CEP78: variants seen among roughly 807,000 people sequenced by gnomAD.
CEP78 encodes centrosomal protein of 78 kDa.
Under a neutral mutation model 81.2 loss-of-function variants are expected in CEP78, and 76 were observed. The observed-to-expected ratio is 0.94, with a 90% CI of 0.78 to 1.13. The LOEUF (loss-of-function observed/expected upper bound fraction) is 1.13. Among genes scored for constraint, CEP78 ranks in the 50% most tolerant of loss-of-function variants. CEP78 has a pLI of 0.00. For synonymous variants in CEP78, 293 were observed against 301.4 expected, an observed-to-expected ratio of 0.97 and a Z score of 0.29; for missense variants, 918 against 846.8, an observed-to-expected ratio of 1.08 and a Z score of -1.04.
intron 16 of CEP78, chr9:78,266,921 T>G: frequency 7.0e-7 from 1 of 1,426,576 alleles, no homozygotes; most frequent in East Asian, 2.5e-5. Flanking sequence ...GTAAATCCAG[T>G]CCACTAGAAC....
chr9:78,237,955 CAAAAAAA>C (rs557546978), intron 1 of CEP78, among the ~76,000 whole-genome samples: 24 of 106,082 alleles, frequency 2.3e-4, no homozygotes, highest in Admixed American at 1.2e-3. Context: ...ACTAAAAATA[CAAAAAAA>C]AAAAAAAAAA....
At position 78,248,744 on chromosome 9, in the gene CEP78, T is replaced by G; in HGVS notation, c.958-18T>G. The G allele has an allele frequency of 7.8e-7, 1 of 1,290,310 alleles. No individual in the cohort carries two copies. Among genetic ancestry groups the G allele is most frequent in the South Asian group, 1.3e-5 (1 of 75,092 alleles). 79.9% of individuals were successfully genotyped at this position (1,290,310 alleles called of 1,614,324 possible). On this transcript the variant is annotated intron_variant, in intron 7 of 16. Transcript: ENST00000643273. ...ATGATCTGTAACTGAAATATAGTGT[T>G]TATTCTGTCTCTTTTAGTACCAGTG...
rs1827780620 is a variant in CEP78 at position 78,275,388 on chromosome 9, TG to T, written c.*4538del. The T allele has an allele frequency of 6.6e-6, 1 of 152,086 alleles. No individual in the cohort carries two copies. The highest frequency in any genetic ancestry group is 1.5e-5 in the Non-Finnish European group (1 of 68,038). The allele number at this position is 152,086 out of a possible 1,614,324, so 9.4% of individuals were successfully genotyped here. ...GGGAGGCCGAGGTGGGCGGATCACC[TG>T]AGATGAGGAGTTCAAGACCAGCCTG... On this transcript the variant is annotated 3_prime_UTR_variant, in exon 17 of 17. Transcript: ENST00000643273.
chr9:78,262,233 T>G (rs891945391), intron 11 of CEP78, among the ~76,000 whole-genome samples: 1 of 151,940 alleles, frequency 6.6e-6, no homozygotes, highest in African/African-American at 2.4e-5. Flanking sequence ...AATCACAATT[T>G]GGAGGCTTTT....
At position 78,273,253 on chromosome 9, in the gene CEP78, G is replaced by T. The variant is rs1328550133; in HGVS notation, c.*2402G>T. 6.6e-6 allele frequency: 1 copy of T among 152,064 alleles called. No homozygotes were observed. The highest frequency in any genetic ancestry group is 1.5e-5 in the Non-Finnish European group (1 of 68,014). The allele number at this position is 152,064 out of a possible 1,614,324, so 9.4% of individuals were successfully genotyped here. On this transcript the variant is annotated 3_prime_UTR_variant, in exon 17 of 17. Coordinates refer to ENST00000643273, the MANE Select transcript of CEP78 (RefSeq NM_001330691.3). ...GTGTGCTATTTGCAAAATCTAAAAC[G>T]CTGTCATAGATTATAAAGAGATGAA...
chr9:78,256,026 C>T (rs868813206), intron 11 of CEP78, among the ~76,000 whole-genome samples: 15 of 152,096 alleles, frequency 9.9e-5, no homozygotes, highest in African/African-American at 2.2e-4. Context: ...CTCCATAAAA[C>T]GATATTATCA....
intron 11 of CEP78, among the ~76,000 whole-genome samples, chr9:78,256,524 A>ATTTTTTT (rs35059009): frequency 1.3e-5 from 1 of 76,690 alleles, no homozygotes; most frequent in Admixed American, 1.6e-4. Flanking sequence ...CTGCTCCCTT[A>ATTTTTTT]TTTTTTTTTT....
chr9:78,252,173 T>A, intron 9 of CEP78, 130 bp downstream of exon 9: 7 of 730,156 alleles, frequency 9.6e-6, no homozygotes, highest in Non-Finnish European at 1.5e-5. Context: ...GGCTTCTGCC[T>A]CATGAATCCT....
chr9:78,243,139 A>G (rs1826310603), intron 4 of CEP78, among the ~76,000 whole-genome samples: 1 of 152,234 alleles, frequency 6.6e-6, no homozygotes, highest in Admixed American at 6.5e-5. Context: ...CAGCAATGAT[A>G]GAATTTAGAA....
At position 78,240,176 on chromosome 9, in the gene CEP78, A is replaced by T; in HGVS notation, c.407A>T (p.Asp136Val). 1 of 1,603,304 alleles carries T rather than the reference A, an allele frequency of 6.2e-7. No individual in the cohort carries two copies. ...AATGGACTAATTCTGAGAGAGAGGG[A>T]TTTAACTATTCTAGCAAAGGTAAGC... ...ELNGLILRER[D>V]LTILAKGLNK... Residue 136 changes from aspartate (D) to valine (V), a missense_variant, in exon 2 of 17, where the codon GAT (aspartate) becomes GTT (valine). By Grantham distance (152) the Asp-to-Val change is radical (BLOSUM62 -3). Transcript: ENST00000643273.
intron 5 of CEP78, among the ~76,000 whole-genome samples, chr9:78,246,461 G>A (rs369095239): frequency 2.0e-4 from 30 of 152,300 alleles, no homozygotes; most frequent in African/African-American, 6.5e-4. Context: ...TTAGCCATGC[G>A]TGGTGGCGGG....
rs1164720587 is a variant in CEP78 at position 78,276,526 on chromosome 9, C to A, written c.*5675C>A. 1 of 151,372 alleles carries A rather than the reference C, an allele frequency of 6.6e-6. No individual in the cohort carries two copies. Among genetic ancestry groups the A allele is most frequent in the African/African-American group, 2.4e-5 (1 of 41,180 alleles). 9.4% of individuals were successfully genotyped at this position (151,372 alleles called of 1,614,324 possible). A position where few individuals can be genotyped will look rare whatever the true frequency, so the allele number is the denominator to read the frequency against. ...GTCTTTTTTTTTTTGGACAAAAAAC[C>A]CCCTGTGATGATCTACTGGCATGCT... On this transcript the variant is annotated 3_prime_UTR_variant, in exon 17 of 17. Coordinates refer to ENST00000643273, the MANE Select transcript of CEP78 (RefSeq NM_001330691.3).
Position 78,253,030 on chromosome 9 carries a change from A to T in CEP78, c.1206-202A>T, listed in dbSNP as rs1415290003. On this transcript the variant is annotated intron_variant, in intron 9 of 16. Coordinates refer to ENST00000643273, the MANE Select transcript of CEP78 (RefSeq NM_001330691.3). ...AAACATAAGAAGTACCTGCATCTTC[A>T]GAGTCTTATCCCAAAGCCGTTCTGC... is the stretch of plus-strand genomic sequence containing the variant. 2.0e-5 allele frequency among the ~76,000 whole-genome samples: 3 copies of T among 152,208 alleles called. No individual in the cohort carries two copies. In the East Asian group the frequency reaches 5.8e-4, roughly 29 times the overall value.
Position 78,240,373 on chromosome 9 carries a change from A to G in CEP78, c.499+9A>G. The G allele has an allele frequency of 6.4e-7, 1 of 1,563,742 alleles. No homozygotes were observed. Among genetic ancestry groups the G allele is most frequent in the Non-Finnish European group, 8.7e-7 (1 of 1,150,520 alleles). ...AGATGGAGGTTTAGAAAGTGAGTTT[A>G]AATCTCATTTAACTCTTGTCCTATC... On this transcript the variant is annotated intron_variant, in intron 3 of 16. Coordinates refer to ENST00000643273, the MANE Select transcript of CEP78 (RefSeq NM_001330691.3).
rs1387602712 is a variant in CEP78, at chr9:78,276,472, A to C, written c.*5621A>C. On this transcript the variant is annotated 3_prime_UTR_variant, in exon 17 of 17. Coordinates refer to ENST00000643273, the MANE Select transcript of CEP78 (RefSeq NM_001330691.3). ...AAAAGTACACATTTTGGGAAATGAGACAAGGCTCTCGTTATTTGTAAATAT... is the reference window on the plus strand; with the variant it reads ...AAAAGTACACATTTTGGGAAATGAGCCAAGGCTCTCGTTATTTGTAAATAT... 1.3e-5 allele frequency: 2 copies of C among 152,168 alleles called. No homozygotes were observed. Among genetic ancestry groups the C allele is most frequent in the African/African-American group, 4.8e-5 (2 of 41,452 alleles). 9.4% of individuals were successfully genotyped at this position (152,168 alleles called of 1,614,324 possible).
Position 78,272,558 on chromosome 9 carries a change from A to T in CEP78, c.*1707A>T, listed in dbSNP as rs1210322195. The T allele has an allele frequency of 6.6e-6, 1 of 152,198 alleles. No homozygotes were observed. The highest frequency in any genetic ancestry group is 1.5e-5 in the Non-Finnish European group (1 of 68,044). 9.4% of individuals were successfully genotyped at this position (152,198 alleles called of 1,614,324 possible). On this transcript the variant is annotated 3_prime_UTR_variant, in exon 17 of 17. Transcript: ENST00000643273. ...CACAGAAAGTGAAAGCTTGTCCTAG[A>T]TATTGTCTTATTCATGGGAAGGATA...
At position 78,271,754 on chromosome 9, in the gene CEP78, G is replaced by A. The variant is rs1242692194; in HGVS notation, c.*903G>A. ...TCACTCATGTCACCCAGGCTGGGGT[G>A]TAGTGATGGGATCACAGCTTATTGT... On this transcript the variant is annotated 3_prime_UTR_variant, in exon 17 of 17. Coordinates refer to ENST00000643273, the MANE Select transcript of CEP78 (RefSeq NM_001330691.3). The A allele has an allele frequency of 6.6e-6, 1 of 151,544 alleles. No homozygotes were observed. The highest frequency in any genetic ancestry group is 1.5e-5 in the Non-Finnish European group (1 of 67,914). The allele number at this position is 151,544 out of a possible 1,614,324, so 9.4% of individuals were successfully genotyped here. A position where few individuals can be genotyped will look rare whatever the true frequency, so the allele number is the denominator to read the frequency against.
intron 16 of CEP78, 50 bp downstream of exon 16, chr9:78,266,753 G>A (rs1237040830): frequency 6.2e-7 from 1 of 1,604,092 alleles, no homozygotes; most frequent in South Asian, 1.1e-5. Context: ...GAAAGGACCT[G>A]CATTCCTGAT....
rs1232892972 is a variant in CEP78 at position 78,271,661 on chromosome 9, C to G, written c.*810C>G. ...AAAAATCTTTCTCAGAGTAACTAAGCAAAATGAACAATGAACCCATTAACG... is the reference window on the plus strand; with the variant it reads ...AAAAATCTTTCTCAGAGTAACTAAGGAAAATGAACAATGAACCCATTAACG... On this transcript the variant is annotated 3_prime_UTR_variant, in exon 17 of 17. Transcript: ENST00000643273. The G allele has an allele frequency of 6.6e-6, 1 of 150,804 alleles. No homozygotes were observed. The highest frequency in any genetic ancestry group is 1.5e-5 in the Non-Finnish European group (1 of 67,794). 9.3% of individuals were successfully genotyped at this position (150,804 alleles called of 1,614,324 possible).
Sources: gnomAD v4.1 joint callset for allele counts (sites outside exome capture counted in the v4.1 genomes callset) on GRCh38, gnomAD v4.1.1 for gene constraint, MANE v1.5 for transcripts, NCBI Gene and HGNC (gene_info 2026-07-23, HGNC 2026-07-21) for gene names.